EXOC4: variants seen among roughly 807,000 people sequenced by gnomAD.
EXOC4 encodes SEC8-like 1.
Under a neutral mutation model 107.2 loss-of-function variants are expected in EXOC4, and 71 were observed. That is an observed-to-expected ratio of 0.66 (90% confidence interval 0.55 to 0.81). The LOEUF (loss-of-function observed/expected upper bound fraction) is 0.81, where lower values mean the gene tolerates loss of function less well. EXOC4 is among the 30% of genes least tolerant of loss of function. The probability of loss-of-function intolerance (pLI) is 0.00; values close to 1 mark genes in which losing one functional copy is unlikely to be tolerated. For missense variants in EXOC4, 1,108 were observed against 1,189.6 expected (o/e 0.93, Z 1.01); for synonymous variants, 456 against 441.2 (o/e 1.03, Z -0.42).
intron 14 of EXOC4, among the ~76,000 whole-genome samples, chr7:133,965,289 C>G (rs1483121793): frequency 6.6e-6 from 1 of 152,210 alleles, no homozygotes; most frequent in Non-Finnish European, 1.5e-5. Flanking sequence ...TGCCTGTTCA[C>G]TCTGATGATA....
chr7:133,913,946 C>T (rs1177423722), intron 12 of EXOC4, among the ~76,000 whole-genome samples: 3 of 152,076 alleles, frequency 2.0e-5, no homozygotes, highest in Non-Finnish European at 4.4e-5. Context: ...AGGTAAAGAA[C>T]GTGATGCGGA....
intron 14 of EXOC4, among the ~76,000 whole-genome samples, chr7:133,960,656 C>T (rs1367151823): frequency 6.6e-6 from 1 of 152,168 alleles, no homozygotes; most frequent in Admixed American, 6.5e-5. Flanking sequence ...CTTTATGCAT[C>T]CCTGGTGTGA....
At chr7:134,030,886 C>T (rs1319294517) in intron 17 of EXOC4, among the ~76,000 whole-genome samples, 1 of 152,030 alleles carries the variant, frequency 6.6e-6, no homozygotes, top group Non-Finnish European at 1.5e-5. Flanking sequence ...AACCTCCTGG[C>T]CTTCCAAGAA....
chr7:133,948,588 G>A (rs911458774), intron 14 of EXOC4, among the ~76,000 whole-genome samples: 2 of 152,152 alleles, frequency 1.3e-5, no homozygotes, highest in African/African-American at 4.8e-5. Flanking sequence ...CGAGATGTGC[G>A]AATTGTATGT....
chr7:133,730,731 G>A (rs1028678636), intron 10 of EXOC4, among the ~76,000 whole-genome samples: 3 of 152,178 alleles, frequency 2.0e-5, no homozygotes, highest in African/African-American at 7.2e-5. Context: ...CATATTGAAA[G>A]AAGAGTTCAA....
intron 10 of EXOC4, among the ~76,000 whole-genome samples, chr7:133,798,968 C>T (rs1244549195): frequency 6.6e-6 from 1 of 152,102 alleles, no homozygotes; most frequent in Non-Finnish European, 1.5e-5. Flanking sequence ...ATGTAGACTA[C>T]AGACAATAAG....
chr7:133,727,023 G>A (rs1031476874), intron 10 of EXOC4, among the ~76,000 whole-genome samples: 7 of 152,222 alleles, frequency 4.6e-5, no homozygotes, highest in Non-Finnish European at 1.0e-4. Context: ...CATGGAATTA[G>A]TTGAGATAGT....
chr7:133,258,332 G>A (rs1260389352), intron 1 of EXOC4, among the ~76,000 whole-genome samples: 1 of 152,156 alleles, frequency 6.6e-6, no homozygotes, highest in Non-Finnish European at 1.5e-5. Flanking sequence ...TAGTATTGAT[G>A]GTGGTGGTAT....
At chr7:133,919,948 T>C (rs1799901577) in intron 13 of EXOC4, among the ~76,000 whole-genome samples, 1 of 152,214 alleles carries the variant, frequency 6.6e-6, no homozygotes, top group Non-Finnish European at 1.5e-5. Flanking sequence ...TGTTTAGTTG[T>C]ATAAGAAACT....
intron 10 of EXOC4, among the ~76,000 whole-genome samples, chr7:133,786,123 T>A (rs1334575992): frequency 6.6e-6 from 1 of 152,244 alleles, no homozygotes; most frequent in Non-Finnish European, 1.5e-5. Context: ...AGCAGAACTT[T>A]TAAGCAAAAG....
chr7:133,271,348 T>C (rs1793866260), intron 1 of EXOC4, among the ~76,000 whole-genome samples: 1 of 152,168 alleles, frequency 6.6e-6, no homozygotes, highest in Non-Finnish European at 1.5e-5. Flanking sequence ...TGGAAATAAA[T>C]GTTCACCGCC....
At chr7:133,349,386 G>A (rs1048685050) in intron 5 of EXOC4, among the ~76,000 whole-genome samples, 1 of 151,986 alleles carries the variant, frequency 6.6e-6, no homozygotes, top group Non-Finnish European at 1.5e-5. Flanking sequence ...ACTAAGTACG[G>A]CATATAAGTA....
At chr7:133,801,554 C>A (rs542196315) in intron 10 of EXOC4, among the ~76,000 whole-genome samples, 1 of 152,072 alleles carries the variant, frequency 6.6e-6, no homozygotes, top group South Asian at 2.1e-4. Context: ...CCTGAGTTGG[C>A]GGGGGGCTCT....
intron 7 of EXOC4, among the ~76,000 whole-genome samples, chr7:133,469,589 T>C (rs1370840963): frequency 6.6e-6 from 1 of 152,186 alleles, no homozygotes; most frequent in Non-Finnish European, 1.5e-5. Flanking sequence ...TATATACTCA[T>C]CAATCCATAG....
chr7:133,356,263 A>C lies in EXOC4; in HGVS notation c.764-67A>C, dbSNP rs143099447. ...AATCAAGGCAGTGATTTCGTTTATT[A>C]GACTGCTCTGTTTTGGGGTTTTTGA... On this transcript the variant is annotated intron_variant, in intron 5 of 17. Transcript: ENST00000253861. 2,296 of 1,522,348 alleles carry C rather than the reference A, an allele frequency of 1.5e-3. 42 individuals carry two copies. In the African/African-American group the frequency reaches 0.028, roughly 19 times the overall value. The allele number at this position is 1,522,348 out of a possible 1,614,324, so 94.3% of individuals were successfully genotyped here.
At chr7:133,520,214 T>TA (rs1799954680) in intron 9 of EXOC4, among the ~76,000 whole-genome samples, 2 of 152,230 alleles carry the variant, frequency 1.3e-5, no homozygotes, top group Non-Finnish European at 2.9e-5. Flanking sequence ...TCTTACCAGA[T>TA]AAAATCCTCT....
chr7:133,302,462 G>C (rs933022545), intron 3 of EXOC4, among the ~76,000 whole-genome samples: 2 of 152,098 alleles, frequency 1.3e-5, no homozygotes, highest in Admixed American at 6.5e-5. Flanking sequence ...TATATATGAA[G>C]AATTCTAAAT....
intron 17 of EXOC4, among the ~76,000 whole-genome samples, chr7:134,016,436 A>G (rs1794910128): frequency 6.6e-6 from 1 of 152,180 alleles, no homozygotes; most frequent in South Asian, 2.1e-4. Context: ...GCTCATGAAG[A>G]CCAAAGAGAG....
chr7:133,581,321 C>T (rs1487258114), intron 9 of EXOC4, among the ~76,000 whole-genome samples: 4 of 152,094 alleles, frequency 2.6e-5, no homozygotes, highest in Admixed American at 6.5e-5. Flanking sequence ...TTTTAGGTCG[C>T]GGGTACATGT....
Sources: gnomAD v4.1 joint callset for allele counts (sites outside exome capture counted in the v4.1 genomes callset) on GRCh38, gnomAD v4.1.1 for gene constraint, MANE v1.5 for transcripts, NCBI Gene and HGNC (gene_info 2026-07-23, HGNC 2026-07-21) for gene names.